The following SUCLA2 variants were observed in gnomAD, a reference collection of about 807,000 sequenced individuals.
SUCLA2 encodes succinate--CoA ligase [ADP-forming] subunit beta, mitochondrial.
In SUCLA2, 30 loss-of-function variants were observed where a neutral mutation model predicts 54.8. That is an observed-to-expected ratio of 0.55 (90% CI 0.41 to 0.74). SUCLA2 has a LOEUF of 0.74. SUCLA2 is among the 30% of genes least tolerant of loss of function. The probability of loss-of-function intolerance (pLI) is 0.00; values close to 1 mark genes in which losing one functional copy is unlikely to be tolerated. For synonymous variants in SUCLA2, 172 were observed against 188.9 expected (o/e 0.91, Z 0.74); for missense variants, 476 against 562.9 (o/e 0.85, Z 1.56).
intron 2 of SUCLA2, among the ~76,000 whole-genome samples, chr13:47,993,790 C>T (rs1002007751): frequency 1.7e-4 from 26 of 152,188 alleles, no homozygotes; most frequent in Non-Finnish European, 3.7e-4. Context: ...AATCCCAGCA[C>T]TTTGGGAGGG....
intron 6 of SUCLA2, among the ~76,000 whole-genome samples, chr13:47,963,022 G>A (rs975141852): frequency 1.1e-4 from 16 of 147,136 alleles, no homozygotes; most frequent in South Asian, 2.2e-4. Flanking sequence ...ACATTGTTAC[G>A]TTTCTTCCCT....
In SUCLA2 at chr13:47,943,344, C is replaced by T. The variant is rs1566079007; in HGVS notation, c.*27G>A. ...CTTAATGATTATAGCACATTTAACA[C>T]CTTCAGCCATCCACTGGGTTTTCAG... On this transcript the variant is annotated 3_prime_UTR_variant, in exon 11 of 11. Coordinates refer to ENST00000646932, the MANE Select transcript of SUCLA2 (RefSeq NM_003850.3). 3.7e-6 allele frequency: 6 copies of T among 1,605,820 alleles called. No homozygotes were observed. In the African/African-American group the frequency reaches 6.7e-5, roughly 18 times the overall value.
At chr13:47,951,043 G>C (rs7335788) in intron 8 of SUCLA2, among the ~76,000 whole-genome samples, 2 of 151,914 alleles carry the variant, frequency 1.3e-5, no homozygotes, top group Non-Finnish European at 2.9e-5. Flanking sequence ...TCATTCTGGA[G>C]AGTTTCCATA....
chr13:47,960,786 C>A (rs191645250), intron 6 of SUCLA2, among the ~76,000 whole-genome samples: 1 of 151,848 alleles, frequency 6.6e-6, no homozygotes, highest in Non-Finnish European at 1.5e-5. Flanking sequence ...TACTTGTAAA[C>A]AGAATATGTG....
At chr13:47,949,744 G>T in intron 8 of SUCLA2, 141 bp from the exon 9 acceptor site, 1 of 832,486 alleles carries the variant, frequency 1.2e-6, no homozygotes, top group Non-Finnish European at 1.9e-6. Flanking sequence ...CCCTCTTCTA[G>T]CTCTCTTTAT....
intron 1 of SUCLA2, among the ~76,000 whole-genome samples, chr13:47,999,761 T>C (rs1950216159): frequency 6.6e-6 from 1 of 152,006 alleles, no homozygotes; most frequent in African/African-American, 2.4e-5. Context: ...ATGTGTGACC[T>C]TGAACGAGTT....
chr13:47,999,555 A>C (rs1950213753), intron 1 of SUCLA2, among the ~76,000 whole-genome samples: 1 of 152,036 alleles, frequency 6.6e-6, no homozygotes, highest in Non-Finnish European at 1.5e-5. Flanking sequence ...AAAATACAAA[A>C]AATTAGCCGG....
intron 2 of SUCLA2, among the ~76,000 whole-genome samples, chr13:47,992,388 CAAAAAAAA>C (rs35103136): frequency 3.5e-4 from 33 of 93,088 alleles, no homozygotes; most frequent in African/African-American, 1.3e-3. Context: ...ACAACGAAAG[CAAAAAAAA>C]AAAAAAAAAA....
intron 6 of SUCLA2, among the ~76,000 whole-genome samples, chr13:47,966,780 T>TGA (rs1374089122): frequency 6.6e-6 from 1 of 151,170 alleles, no homozygotes; most frequent in African/African-American, 2.4e-5. Context: ...CTTCAGGAGC[T>TGA]GAGGTAAGAG....
chr13:47,973,667 A>G (rs1474129726), intron 4 of SUCLA2, among the ~76,000 whole-genome samples: 1 of 152,228 alleles, frequency 6.6e-6, no homozygotes, highest in Non-Finnish European at 1.5e-5. Flanking sequence ...TTATACCACA[A>G]TAGCAACAAC....
At chr13:47,987,799 T>C (rs1266579396) in intron 4 of SUCLA2, 1 of 152,124 alleles carries the variant, frequency 6.6e-6, no homozygotes, top group Non-Finnish European at 1.5e-5. Context: ...AAATCCGTAC[T>C]GGGGCTTTCA....
In SUCLA2 at chr13:47,943,445, C is replaced by T. The variant is rs776132972; in HGVS notation, c.1318G>A (p.Val440Ile). ...GTCACTATTTCAGAGAGCTTTACAA[C>T]CTAAAAGAAAAGAACGAAGAATTTT... is the stretch of plus-strand genomic sequence containing the variant. ...CDDLDEAARM[V>I]VKLSEIVTLA... The change falls in exon 11 of 11, where the codon GTT becomes ATT. Residue 440 changes from valine (V) to isoleucine (I), a missense_variant and splice_region_variant. Coordinates refer to ENST00000646932, the MANE Select transcript of SUCLA2 (RefSeq NM_003850.3). The T allele has an allele frequency of 6.2e-7, 1 of 1,613,740 alleles. No individual in the cohort carries two copies. The highest frequency in any genetic ancestry group is 1.1e-5 in the South Asian group (1 of 91,070).
intron 4 of SUCLA2, among the ~76,000 whole-genome samples, chr13:47,974,724 T>C (rs149056517): frequency 1.4e-3 from 214 of 152,252 alleles, no homozygotes; most frequent in African/African-American, 4.9e-3. Flanking sequence ...TGAAAATCAA[T>C]CAAGAAAAAA....
In SUCLA2 at chr13:47,954,510, G is replaced by A. The variant is rs121908538; in HGVS notation, c.850C>T (p.Arg284Cys). 16 of 1,613,612 alleles carry A rather than the reference G, an allele frequency of 9.9e-6. No individual in the cohort carries two copies. Among genetic ancestry groups the A allele is most frequent in the Admixed American group, 8.3e-5 (5 of 59,958 alleles). Residue 284 changes from arginine to cysteine, a missense_variant, in exon 7 of 11, where the codon CGC becomes TGC. Around this residue, in one of 2 missense-constraint regions of SUCLA2, gnomAD observed 342 missense variants for 444.2 expected, o/e 0.77. Transcript: ENST00000646932. ...KINFDSNSAY[R>C]QKKIFDLQDW... ...TGTAGATCAAAGATTTTCTTTTGGC[G>A]ATAGGCTGAATTAGAGTCAAAATTG...
intron 1 of SUCLA2, among the ~76,000 whole-genome samples, chr13:47,998,730 G>A (rs1269595040): frequency 6.6e-6 from 1 of 152,158 alleles, no homozygotes; most frequent in African/African-American, 2.4e-5. Flanking sequence ...ATAATTGGTT[G>A]CTACCTTCTG....
chr13:47,952,698 C>T (rs4369555), intron 8 of SUCLA2, among the ~76,000 whole-genome samples: 59,492 of 151,660 alleles, frequency 0.39, 14,380 homozygotes, highest in East Asian at 0.52. Flanking sequence ...CAAGAGAATT[C>T]ATTATGAATT....
intron 4 of SUCLA2, among the ~76,000 whole-genome samples, chr13:47,986,961 T>C (rs1442478702): frequency 1.3e-5 from 2 of 152,228 alleles, no homozygotes; most frequent in African/African-American, 4.8e-5. Context: ...AACATGGCTA[T>C]ACCCCAAAAA....
chr13:47,990,146 G>A lies in SUCLA2; in HGVS notation c.272-1165C>T, dbSNP rs116342022. ...GCGGGTCACATGAGGCCAGGAGTTC[G>A]AGACCAGACTAGCCAATATGGTGAA... On this transcript the variant is annotated intron_variant, in intron 2 of 10. Coordinates refer to ENST00000646932, the MANE Select transcript of SUCLA2 (RefSeq NM_003850.3). 6.0e-3 allele frequency among the ~76,000 whole-genome samples: 907 copies of A among 152,232 alleles called. 6 individuals are homozygous for A. Among genetic ancestry groups the A allele is most frequent in the African/African-American group, 0.02 (827 of 41,532 alleles).
intron 1 of SUCLA2, among the ~76,000 whole-genome samples, chr13:47,999,877 G>C (rs1194662462): frequency 6.6e-6 from 1 of 152,206 alleles, no homozygotes; most frequent in African/African-American, 2.4e-5. Flanking sequence ...GTAGAAGACA[G>C]CAACTGTTAT....
Sources: allele counts gnomAD v4.1 joint callset (sites outside exome capture counted in the v4.1 genomes callset), GRCh38; gene constraint gnomAD v4.1.1; regional missense constraint gnomAD v4.1.1; transcripts MANE v1.5; gene names NCBI Gene and HGNC (gene_info 2026-07-23, HGNC 2026-07-21).